The following ITGA9 variants were observed in gnomAD, a reference collection of about 807,000 sequenced individuals.
ITGA9 encodes the protein integrin subunit alpha 9, also known as integrin alpha-9.
In ITGA9, 56 loss-of-function variants were observed where a neutral mutation model predicts 127.8. The ratio of observed to expected loss-of-function variants is 0.44; its 90% CI spans 0.35 to 0.55. The LOEUF (loss-of-function observed/expected upper bound fraction) is 0.55, where lower values mean the gene tolerates loss of function less well. Ranked by LOEUF, ITGA9 falls within the 20% of genes least tolerant of loss-of-function variation. The pLI is 0.00. For missense variants in ITGA9, 1,196 were observed against 1,347.1 expected (o/e 0.89, Z 1.76); for synonymous variants, 508 against 514.5 (o/e 0.99, Z 0.17).
intron 15 of ITGA9, among the ~76,000 whole-genome samples, chr3:37,549,157 CTG>C (rs919340422): frequency 2.0e-5 from 3 of 152,198 alleles, no homozygotes; most frequent in African/African-American, 7.2e-5. Context: ...GGAGAACAAA[CTG>C]GGGATGAATC....
At chr3:37,464,444 C>T (rs1698349701) in intron 1 of ITGA9, among the ~76,000 whole-genome samples, 1 of 152,100 alleles carries the variant, frequency 6.6e-6, no homozygotes, top group African/African-American at 2.4e-5. Flanking sequence ...TCTTTGAACA[C>T]CTACTTTGTA....
intron 15 of ITGA9, among the ~76,000 whole-genome samples, chr3:37,572,801 C>T (rs1228280301): frequency 6.6e-6 from 1 of 152,118 alleles, no homozygotes; most frequent in Non-Finnish European, 1.5e-5. Context: ...TGGCACAGTT[C>T]TAAAATTCTT....
At chr3:37,525,268 A>G (rs1311978711) in intron 12 of ITGA9, among the ~76,000 whole-genome samples, 1 of 152,264 alleles carries the variant, frequency 6.6e-6, no homozygotes, top group Non-Finnish European at 1.5e-5. Context: ...AAGTATTTCC[A>G]TGAATTTACT....
chr3:37,527,722 T>C (rs190394964), intron 13 of ITGA9, among the ~76,000 whole-genome samples: 21 of 152,318 alleles, frequency 1.4e-4, no homozygotes, highest in African/African-American at 5.1e-4. Flanking sequence ...CTTTGGTTTG[T>C]CAGGATTCTT....
At chr3:37,576,068 C>T (rs1429559465) in intron 15 of ITGA9, among the ~76,000 whole-genome samples, 1 of 152,184 alleles carries the variant, frequency 6.6e-6, no homozygotes, top group Non-Finnish European at 1.5e-5. Context: ...CAGCCTGGAG[C>T]CAGTGGAGCT....
intron 4 of ITGA9, among the ~76,000 whole-genome samples, chr3:37,490,219 A>T (rs1312576864): frequency 2.0e-5 from 3 of 152,194 alleles, no homozygotes; most frequent in African/African-American, 4.8e-5. Flanking sequence ...TGAACTACTG[A>T]TTAGAACTGG....
At chr3:37,609,836 C>T (rs1700000707) in intron 15 of ITGA9, among the ~76,000 whole-genome samples, 1 of 152,248 alleles carries the variant, frequency 6.6e-6, no homozygotes, top group Admixed American at 6.5e-5. Flanking sequence ...CTGGGCTTAG[C>T]TGGGCCTGAG....
intron 17 of ITGA9, among the ~76,000 whole-genome samples, chr3:37,670,333 C>A (rs1193634867): frequency 6.6e-6 from 1 of 152,122 alleles, no homozygotes; most frequent in Non-Finnish European, 1.5e-5. Context: ...GCCTGCCATC[C>A]CTCCTTCCCT....
At position 37,506,070 on chromosome 3, in the gene ITGA9, C is replaced by T. The variant is rs1441772574; in HGVS notation, c.813C>T (p.Asp271=). Residue 271 remains aspartate (D), a synonymous_variant, in exon 7 of 28, where the codon GAC becomes GAT. Transcript: ENST00000264741. ...ATGTGGTAGGAGGTGCCCCACAGGA[C>T]AAAGGCATCGGCAAGGTGAGGAGAA... is the stretch of plus-strand genomic sequence containing the variant. The part of the protein sequence containing the change: ...TIDVVGGAPQ[D]KGIGKVYIFR... The T allele has an allele frequency of 6.2e-7, 1 of 1,609,332 alleles. No homozygotes were observed. The highest frequency in any genetic ancestry group is 1.1e-5 in the South Asian group (1 of 89,718).
chr3:37,510,255 T>A (rs1448232052), intron 8 of ITGA9, among the ~76,000 whole-genome samples: 1 of 152,120 alleles, frequency 6.6e-6, no homozygotes, highest in Non-Finnish European at 1.5e-5. Flanking sequence ...TCCACCCACC[T>A]TGGCCTCCCA....
chr3:37,562,880 A>G (rs1699507733), intron 15 of ITGA9, among the ~76,000 whole-genome samples: 1 of 152,050 alleles, frequency 6.6e-6, no homozygotes, highest in Non-Finnish European at 1.5e-5. Context: ...GTTACAACCA[A>G]GGTAGTCTGG....
intron 23 of ITGA9, among the ~76,000 whole-genome samples, chr3:37,775,997 A>G (rs1294508380): frequency 6.6e-6 from 1 of 152,244 alleles, no homozygotes; most frequent in Admixed American, 6.5e-5. Flanking sequence ...AATACTATGC[A>G]GCCATAAAAA....
chr3:37,605,474 C>T (rs1459457649), intron 15 of ITGA9, among the ~76,000 whole-genome samples: 1 of 152,174 alleles, frequency 6.6e-6, no homozygotes, highest in Non-Finnish European at 1.5e-5. Flanking sequence ...GCCCTGTCCT[C>T]CCAGCAGACT....
Position 37,813,300 on chromosome 3 carries a change from C to T in ITGA9, c.3010-5591C>T, listed in dbSNP as rs550385292. Among the ~76,000 whole-genome samples, 108 of 152,228 alleles carry T rather than the reference C, an allele frequency of 7.1e-4. 1 individual carries two copies. Among genetic ancestry groups the T allele is most frequent in the African/African-American group, 2.4e-3 (101 of 41,538 alleles). On this transcript the variant is annotated intron_variant, in intron 27 of 27. Coordinates refer to ENST00000264741, the MANE Select transcript of ITGA9 (RefSeq NM_002207.3). ...TCATAAAGTCAAAAAACTGTTAAGT[C>T]GAGGTATGGTAACTTGGGGATTATT... is the stretch of plus-strand genomic sequence containing the variant.
chr3:37,543,805 C>G (rs1699299685), intron 15 of ITGA9, among the ~76,000 whole-genome samples: 1 of 152,218 alleles, frequency 6.6e-6, no homozygotes, highest in Non-Finnish European at 1.5e-5. Flanking sequence ...GTCCATGCCC[C>G]TCAGATGCTT....
chr3:37,471,173 T>C, intron 2 of ITGA9, 39 bp downstream of exon 2: 1 of 1,610,682 alleles, frequency 6.2e-7, no homozygotes, highest in African/African-American at 1.3e-5. Context: ...ATGGGTTCTG[T>C]ACCCTTATAC....
chr3:37,478,163 G>A (rs1034855643), intron 3 of ITGA9, among the ~76,000 whole-genome samples: 7 of 152,114 alleles, frequency 4.6e-5, no homozygotes, highest in Admixed American at 1.3e-4. Context: ...TCTTAGGGGA[G>A]TCTCATGGCA....
At chr3:37,638,582 T>G (rs1348356816) in intron 16 of ITGA9, among the ~76,000 whole-genome samples, 1 of 152,174 alleles carries the variant, frequency 6.6e-6, no homozygotes, top group Non-Finnish European at 1.5e-5. Flanking sequence ...CACAACAGTT[T>G]GACACAGAGC....
chr3:37,654,204 A>G (rs1032902631), intron 17 of ITGA9, among the ~76,000 whole-genome samples: 1 of 151,472 alleles, frequency 6.6e-6, no homozygotes, highest in African/African-American at 2.4e-5. Context: ...ACACACACAC[A>G]CACACACACA....
Sources: gnomAD v4.1 joint callset for allele counts (sites outside exome capture counted in the v4.1 genomes callset) on GRCh38, gnomAD v4.1.1 for gene constraint, MANE v1.5 for transcripts, NCBI Gene and HGNC (gene_info 2026-07-23, HGNC 2026-07-21) for gene names.